BRI3BP: variants seen among roughly 807,000 people sequenced by gnomAD.
BRI3BP encodes BRI3 binding protein, also known as BRI3-binding protein.
A neutral mutation model predicts 15.8 loss-of-function variants in BRI3BP; 7 were observed. The ratio of observed to expected loss-of-function variants is 0.44; its 90% CI spans 0.25 to 0.83. The LOEUF (loss-of-function observed/expected upper bound fraction) is 0.83, where lower values mean the gene tolerates loss of function less well. BRI3BP is among the 40% of genes least tolerant of loss of function. The pLI is 0.20. For missense variants in BRI3BP, 320 were observed against 339.3 expected, an observed-to-expected ratio of 0.94 and a Z score of 0.45; for synonymous variants, 192 against 163.5, an observed-to-expected ratio of 1.17 and a Z score of -1.33.
intron 1 of BRI3BP, among the ~76,000 whole-genome samples, chr12:125,009,545 T>A (rs1955178522): frequency 6.6e-6 from 1 of 151,896 alleles, no homozygotes; most frequent in African/African-American, 2.4e-5. Flanking sequence ...TCGCCTCGGC[T>A]TCCCAAAGTG....
At chr12:125,024,874 T>G in intron 2 of BRI3BP, 117 bp from the exon 3 acceptor site, 1 of 852,022 alleles carries the variant, frequency 1.2e-6, no homozygotes, top group Non-Finnish European at 1.8e-6. Context: ...TTGAGTTCCT[T>G]TGGTTGTTGC....
Position 125,026,742 on chromosome 12 carries a change from A to C in BRI3BP, c.*1312A>C, listed in dbSNP as rs1481993609. 6.6e-6 allele frequency: 1 copy of C among 152,238 alleles called. No homozygotes were observed. The highest frequency in any genetic ancestry group is 1.5e-5 in the Non-Finnish European group (1 of 68,096). 9.4% of individuals were successfully genotyped at this position (152,238 alleles called of 1,614,324 possible). ...CGAGGAGTATGGATCACCTGAGGTC[A>C]GGAGTTCAAGACCAGCCTGGCCAAC... On this transcript the variant is annotated 3_prime_UTR_variant, in exon 3 of 3. Coordinates refer to ENST00000341446, the MANE Select transcript of BRI3BP (RefSeq NM_080626.6).
At chr12:125,005,517 C>A (rs575405729) in intron 1 of BRI3BP, among the ~76,000 whole-genome samples, 1 of 152,148 alleles carries the variant, frequency 6.6e-6, no homozygotes, top group Admixed American at 6.6e-5. Flanking sequence ...GCCTGTAATC[C>A]CAGCACTTTG....
At chr12:125,040,153 T>C in the BRI3BP span, among the ~76,000 whole-genome samples, 1 of 151,198 alleles carries the variant, frequency 6.6e-6, no homozygotes, top group African/African-American at 2.4e-5. Context: ...TTCCAGCTAC[T>C]CGGGAGGCTG....
At chr12:125,019,019 TG>T (rs1332297165) in intron 2 of BRI3BP, among the ~76,000 whole-genome samples, 2 of 152,132 alleles carry the variant, frequency 1.3e-5, no homozygotes, top group African/African-American at 4.8e-5. Flanking sequence ...CCACCACGCC[TG>T]GCTAATTTTT....
At chr12:125,011,360 A>G (rs1475827007) in intron 1 of BRI3BP, among the ~76,000 whole-genome samples, 3 of 152,194 alleles carry the variant, frequency 2.0e-5, no homozygotes, top group African/African-American at 7.2e-5. Flanking sequence ...ACTTGGTGGC[A>G]TTCATCATGG....
intron 1 of BRI3BP, among the ~76,000 whole-genome samples, 182 bp downstream of exon 1, chr12:124,994,185 G>C (rs893315121): frequency 1.3e-5 from 2 of 151,762 alleles, no homozygotes; most frequent in African/African-American, 2.4e-5. Context: ...TGACCAGTGC[G>C]GGTCTGGGCG....
At chr12:124,997,516 C>T (rs1325784899) in intron 1 of BRI3BP, among the ~76,000 whole-genome samples, 9 of 151,938 alleles carry the variant, frequency 5.9e-5, no homozygotes, top group Non-Finnish European at 1.3e-4. Context: ...GTGCACCACC[C>T]AGTTGCTTTA....
Position 125,025,068 on chromosome 12 carries a change from GTCC to G in BRI3BP, c.399_401del (p.Leu134del). The G allele has an allele frequency of 1.9e-6, 3 of 1,613,508 alleles. No individual in the cohort carries two copies. Among genetic ancestry groups the G allele is most frequent in the Non-Finnish European group, 2.5e-6 (3 of 1,180,028 alleles). On this transcript the variant is annotated inframe_deletion, in exon 3 of 3. Transcript: ENST00000341446. Reference sequence around the variant, plus strand: ...CCGCGCGCTCCTGCTGGTCGGCGTCGTCCTCCTGGCCTACTGGTTCTTGTCCCT... The same window carrying G: ...CCGCGCGCTCCTGCTGGTCGGCGTCGTCCTGGCCTACTGGTTCTTGTCCCT...
chr12:124,996,968 C>T (rs1354740913), intron 1 of BRI3BP, among the ~76,000 whole-genome samples: 2 of 151,488 alleles, frequency 1.3e-5, no homozygotes, highest in Non-Finnish European at 2.9e-5. Flanking sequence ...ACCATGTTGG[C>T]CAGGCTGGTT....
At chr12:125,013,184 G>T (rs1205049447) in intron 2 of BRI3BP, among the ~76,000 whole-genome samples, 3 of 152,284 alleles carry the variant, frequency 2.0e-5, no homozygotes, top group East Asian at 3.9e-4. Flanking sequence ...GCCAATTTGT[G>T]TGCAAAACAC....
chr12:125,033,644 A>G (rs1199037734), downstream of BRI3BP, among the ~76,000 whole-genome samples: 1 of 152,118 alleles, frequency 6.6e-6, no homozygotes, highest in Non-Finnish European at 1.5e-5. Flanking sequence ...AACCTTGACA[A>G]AATAAGCCAC....
intron 2 of BRI3BP, among the ~76,000 whole-genome samples, chr12:125,016,675 A>G (rs1955246975): frequency 6.6e-6 from 1 of 151,104 alleles, no homozygotes; most frequent in East Asian, 2.0e-4. Context: ...ACAGGCATGC[A>G]CCACCACACC....
chr12:125,046,958 AC>A, the BRI3BP span, among the ~76,000 whole-genome samples: 11 of 152,220 alleles, frequency 7.2e-5, no homozygotes, highest in Non-Finnish European at 1.5e-4. Context: ...TAAACTTTAA[AC>A]ACAGCCTCTG....
intron 2 of BRI3BP, among the ~76,000 whole-genome samples, chr12:125,013,934 C>G (rs1049805980): frequency 2.0e-5 from 3 of 152,246 alleles, no homozygotes; most frequent in South Asian, 2.1e-4. Context: ...AGTCCTGCAG[C>G]CTGTGCTACC....
At chr12:125,014,462 C>T (rs7977512) in intron 2 of BRI3BP, among the ~76,000 whole-genome samples, 21,105 of 152,186 alleles carry the variant, frequency 0.14, 1,558 homozygotes, top group Admixed American at 0.16. Flanking sequence ...GACGCAAACA[C>T]CATCAGCAAA....
At chr12:124,995,624 A>G (rs1955034464) in intron 1 of BRI3BP, among the ~76,000 whole-genome samples, 1 of 152,222 alleles carries the variant, frequency 6.6e-6, no homozygotes, top group South Asian at 2.1e-4. Context: ...TGCCTTTAAT[A>G]GAGATACTAA....
the BRI3BP span, among the ~76,000 whole-genome samples, chr12:125,049,608 T>G: frequency 6.6e-6 from 1 of 152,124 alleles, no homozygotes; most frequent in Non-Finnish European, 1.5e-5. Context: ...GGCACTGGCC[T>G]TGGTCGAAGG....
chr12:125,016,801 C>T (rs1462841118), intron 2 of BRI3BP, among the ~76,000 whole-genome samples: 2 of 142,436 alleles, frequency 1.4e-5, no homozygotes, highest in Non-Finnish European at 3.0e-5. Context: ...GCTGGGATTA[C>T]GGGCATGAGC....
Sources: allele counts gnomAD v4.1 joint callset (sites outside exome capture counted in the v4.1 genomes callset), GRCh38; gene constraint gnomAD v4.1.1; transcripts MANE v1.5; gene names NCBI Gene and HGNC (gene_info 2026-07-23, HGNC 2026-07-21).